UTP20: variants seen among roughly 807,000 people sequenced by gnomAD.
UTP20 encodes the protein small subunit processome component 20 homolog.
A neutral mutation model predicts 329.5 loss-of-function variants in UTP20; 164 were observed. The observed-to-expected ratio is 0.50, with a 90% CI of 0.44 to 0.57. The LOEUF is 0.57. UTP20 is among the 20% of genes least tolerant of loss of function. The pLI, the probability that UTP20 is intolerant of heterozygous loss-of-function variation, is 0.00. For missense variants in UTP20, 3,055 were observed against 3,284.2 expected (o/e 0.93, Z 1.71); for synonymous variants, 1,151 against 1,159.3 (o/e 0.99, Z 0.14).
At chr12:101,284,853 A>G (rs1871909343) in intron 2 of UTP20, among the ~76,000 whole-genome samples, 1 of 152,142 alleles carries the variant, frequency 6.6e-6, no homozygotes, top group African/African-American at 2.4e-5. Flanking sequence ...CGTATGTACA[A>G]ACATTTATAG....
intron 54 of UTP20, among the ~76,000 whole-genome samples, chr12:101,374,253 T>C (rs926678845): frequency 6.6e-6 from 1 of 151,476 alleles, no homozygotes; most frequent in East Asian, 1.9e-4. Flanking sequence ...AAAAAATAAA[T>C]AAAAAGTAAT....
intron 39 of UTP20, among the ~76,000 whole-genome samples, chr12:101,352,813 A>G (rs1565802005): frequency 6.6e-6 from 1 of 151,652 alleles, no homozygotes; most frequent in Non-Finnish European, 1.5e-5. Flanking sequence ...AAGTATAATA[A>G]TAAATAAATA....
At chr12:101,376,572 A>G (rs544235433) in intron 56 of UTP20, among the ~76,000 whole-genome samples, 1 of 152,300 alleles carries the variant, frequency 6.6e-6, no homozygotes, top group South Asian at 2.1e-4. Context: ...GAAAGGGTAC[A>G]GTAAAAATAC....
chr12:101,374,256 A>G (rs1268840393), intron 54 of UTP20, among the ~76,000 whole-genome samples: 1 of 152,134 alleles, frequency 6.6e-6, no homozygotes, highest in Non-Finnish European at 1.5e-5. Flanking sequence ...AAATAAATAA[A>G]AAGTAATATA....
At position 101,376,899 on chromosome 12, in the gene UTP20, C is replaced by T. The variant is rs189615689; in HGVS notation, c.7396+1143C>T. ...CTGACCTCAGGTGATCTACCCGCCT[C>T]GACCTCCCAAAGTGCTGGGATTACA... is the stretch of plus-strand genomic sequence containing the variant. On this transcript the variant is annotated intron_variant, in intron 56 of 61. Transcript: ENST00000261637. 1.7e-4 allele frequency among the ~76,000 whole-genome samples: 26 copies of T among 152,168 alleles called. No homozygotes were observed. In the East Asian group the frequency reaches 3.5e-3, roughly 20 times the overall value.
chr12:101,325,820 G>A (rs1355588841), intron 25 of UTP20, among the ~76,000 whole-genome samples: 1 of 152,196 alleles, frequency 6.6e-6, no homozygotes, highest in African/African-American at 2.4e-5. Flanking sequence ...CTAAATTCTA[G>A]CATTCAAGTG....
At chr12:101,343,187 GA>G (rs1869205073) in intron 35 of UTP20, 94 bp downstream of exon 35, 1 of 828,726 alleles carries the variant, frequency 1.2e-6, no homozygotes, top group African/African-American at 1.8e-5. Flanking sequence ...TTTGTTTTTT[GA>G]GGGGGGACAA....
At chr12:101,354,789 C>T in intron 40 of UTP20, 43 bp from the exon 41 acceptor site, 1 of 1,578,884 alleles carries the variant, frequency 6.3e-7, no homozygotes, top group Non-Finnish European at 8.6e-7. Context: ...TGTGTGGTTT[C>T]ATTATTTGCT....
At chr12:101,366,799 C>T in intron 47 of UTP20, 100 bp downstream of exon 47, 1 of 1,407,820 alleles carries the variant, frequency 7.1e-7, no homozygotes. Flanking sequence ...ATTGGAAATG[C>T]CTTACTGTAA....
intron 21 of UTP20, among the ~76,000 whole-genome samples, chr12:101,312,593 AT>A (rs1872831202): frequency 6.6e-6 from 1 of 152,174 alleles, no homozygotes; most frequent in African/African-American, 2.4e-5. Context: ...GGCATGCGCC[AT>A]CACGCCTGGC....
At chr12:101,328,149 G>C (rs1868631824) in intron 26 of UTP20, among the ~76,000 whole-genome samples, 1 of 152,140 alleles carries the variant, frequency 6.6e-6, no homozygotes, top group Non-Finnish European at 1.5e-5. Flanking sequence ...TATGATAATA[G>C]GTCCAGCTGT....
chr12:101,362,621 C>T (rs751189999), intron 44 of UTP20, among the ~76,000 whole-genome samples: 12 of 132,414 alleles, frequency 9.1e-5, no homozygotes, highest in Non-Finnish European at 1.8e-4. Context: ...GGAAAATCCC[C>T]TGAACCTGGG....
chr12:101,339,001 G>C, intron 31 of UTP20, 44 bp downstream of exon 31: 1 of 1,526,584 alleles, frequency 6.6e-7, no homozygotes, highest in Non-Finnish European at 8.7e-7. Context: ...TACCATCCTT[G>C]GTTTTAACTT....
rs140505401 is a variant in UTP20, at chr12:101,362,510, C to T, written c.5790+450C>T. 2.7e-3 allele frequency among the ~76,000 whole-genome samples: 413 copies of T among 151,798 alleles called. 22 individuals carry two copies. Among genetic ancestry groups the T allele is most frequent in the East Asian group, 0.026 (134 of 5,126 alleles). The stretch of plus-strand genomic sequence containing the variant: ...CTTGAGTCCAGGAGTTTGAGACCAG[C>T]CTGGCCAACATGGTGAAACCCCGTC... On this transcript the variant is annotated intron_variant, in intron 44 of 61. Coordinates refer to ENST00000261637, the MANE Select transcript of UTP20 (RefSeq NM_014503.3).
intron 25 of UTP20, among the ~76,000 whole-genome samples, chr12:101,324,793 TGAG>T (rs773652211): frequency 3.9e-5 from 6 of 152,214 alleles, no homozygotes; most frequent in Non-Finnish European, 7.3e-5. Flanking sequence ...CCTTTTGATT[TGAG>T]GAGAAGTTGC....
At chr12:101,355,191 T>C in intron 41 of UTP20, 73 bp downstream of exon 41, 1 of 1,490,130 alleles carries the variant, frequency 6.7e-7, no homozygotes, top group Non-Finnish European at 9.1e-7. Context: ...ACACTGAGGC[T>C]CTTGGTGATT....
intron 54 of UTP20, 87 bp from the exon 55 acceptor site, chr12:101,374,721 G>T: frequency 4.1e-6 from 3 of 729,478 alleles, no homozygotes; most frequent in Non-Finnish European, 7.1e-6. Context: ...GAATGTTGAG[G>T]ACAAAATAAT....
intron 32 of UTP20, among the ~76,000 whole-genome samples, chr12:101,340,936 T>C (rs1177977145): frequency 8.1e-6 from 1 of 123,190 alleles, no homozygotes; most frequent in Non-Finnish European, 1.7e-5. Flanking sequence ...CATTGTGTAA[T>C]CTTTTTTTTT....
intron 28 of UTP20, 55 bp from the exon 29 acceptor site, chr12:101,334,370 T>G: frequency 6.7e-7 from 1 of 1,489,492 alleles, no homozygotes; most frequent in East Asian, 2.3e-5. Flanking sequence ...TATTTGTGGT[T>G]TTTCTATAAT....
Sources: gnomAD v4.1 joint callset for allele counts (sites outside exome capture counted in the v4.1 genomes callset) on GRCh38, gnomAD v4.1.1 for gene constraint, MANE v1.5 for transcripts, NCBI Gene and HGNC (gene_info 2026-07-23, HGNC 2026-07-21) for gene names.